The following MAFF variants were observed in gnomAD, a reference collection of about 807,000 sequenced individuals.
MAFF encodes the protein MAF bZIP transcription factor F.
A neutral mutation model predicts 2.7 loss-of-function variants in MAFF; 4 were observed. The ratio of observed to expected loss-of-function variants is 1.48; its 90% CI spans 0.73 to 3.39. The LOEUF is 3.39. MAFF is among the 30% of genes most tolerant of loss of function. The pLI is 0.01. For missense variants in MAFF, 190 were observed against 246.6 expected (o/e 0.77, Z 1.54); for synonymous variants, 113 against 119.4 (o/e 0.95, Z 0.35).
intron 1 of MAFF, among the ~76,000 whole-genome samples, chr22:38,204,430 G>A (rs1482565706): frequency 6.6e-6 from 1 of 152,154 alleles, no homozygotes; most frequent in Non-Finnish European, 1.5e-5. Context: ...TTGAAGGCAG[G>A]AGCTGTGATT....
intron 1 of MAFF, among the ~76,000 whole-genome samples, chr22:38,209,458 G>C (rs1344950328): frequency 6.6e-6 from 1 of 152,090 alleles, no homozygotes; most frequent in African/African-American, 2.4e-5. Context: ...GCTGAGACCA[G>C]CAGGGAGGTG....
intron 1 of MAFF, among the ~76,000 whole-genome samples, chr22:38,206,885 GCTCC>G (rs2091056017): frequency 6.6e-6 from 1 of 152,144 alleles, no homozygotes; most frequent in South Asian, 2.1e-4. Flanking sequence ...GCACGTGCCA[GCTCC>G]CCAAACGGCT....
intron 1 of MAFF, among the ~76,000 whole-genome samples, chr22:38,208,457 G>C (rs998705176): frequency 6.6e-6 from 1 of 152,180 alleles, no homozygotes; most frequent in African/African-American, 2.4e-5. Flanking sequence ...CCTAGCATCT[G>C]TACTGTCTCT....
At chr22:38,212,351 G>A (rs2091107597) in intron 1 of MAFF, among the ~76,000 whole-genome samples, 1 of 152,140 alleles carries the variant, frequency 6.6e-6, no homozygotes, top group African/African-American at 2.4e-5. Flanking sequence ...TCCCCTTGGA[G>A]ACAGATGAGA....
chr22:38,216,511 AT>A (rs36116754), downstream of MAFF: 48,173 of 166,652 alleles, frequency 0.29, 7,339 homozygotes, highest in South Asian at 0.38. Context: ...CAGAGAATAA[AT>A]GTGTATCCTG....
intron 1 of MAFF, among the ~76,000 whole-genome samples, chr22:38,211,523 C>A (rs1012426903): frequency 1.0e-5 from 1 of 99,404 alleles, no homozygotes; most frequent in Non-Finnish European, 2.1e-5. Context: ...CCGCGCCCGG[C>A]CACTGGGGAT....
chr22:38,214,392 C>T lies in MAFF; in HGVS notation c.37-28C>T. The T allele has an allele frequency of 6.4e-7, 1 of 1,559,622 alleles. No homozygotes were observed. The highest frequency in any genetic ancestry group is 8.7e-7 in the Non-Finnish European group (1 of 1,151,872). On this transcript the variant is annotated intron_variant, in intron 2 of 2. Coordinates refer to ENST00000338483, the MANE Select transcript of MAFF (RefSeq NM_012323.4). The surrounding 1 kb of genome is among the most constrained non-coding windows in gnomAD (Gnocchi z 6.3). Reference sequence around the variant, plus strand: ...AGCGGGGGGGCCCGTCCCCAGTCCCCTGGACCTCAGTTTCCTCATGCCCGC... The same window carrying T: ...AGCGGGGGGGCCCGTCCCCAGTCCCTTGGACCTCAGTTTCCTCATGCCCGC...
At chr22:38,208,935 T>G (rs2091074616) in intron 1 of MAFF, among the ~76,000 whole-genome samples, 1 of 146,700 alleles carries the variant, frequency 6.8e-6, no homozygotes, top group Non-Finnish European at 1.5e-5. Context: ...GAGCACAGAG[T>G]GGAGGTGGCA....
chr22:38,207,451 T>C, intron 1 of MAFF, among the ~76,000 whole-genome samples: 1 of 131,740 alleles, frequency 7.6e-6, no homozygotes, highest in Non-Finnish European at 1.6e-5. Context: ...TTTTTTTTTT[T>C]TTTTTTTGAG....
At chr22:38,212,556 G>C (rs77518924) in intron 1 of MAFF, among the ~76,000 whole-genome samples, 1 of 152,220 alleles carries the variant, frequency 6.6e-6, no homozygotes, top group Non-Finnish European at 1.5e-5. Flanking sequence ...GTTTGGCAAA[G>C]AGCTCAATAA....
intron 1 of MAFF, 124 bp from the exon 2 acceptor site, chr22:38,213,699 G>A: frequency 1.3e-6 from 1 of 748,132 alleles, no homozygotes; most frequent in Middle Eastern, 2.3e-4. Context: ...GAGAGAGGAA[G>A]GTGGCAGGTA....
chr22:38,214,375 G>A lies in MAFF; in HGVS notation c.37-45G>A, dbSNP rs767130167. 2.6e-6 allele frequency: 4 copies of A among 1,510,750 alleles called. No homozygotes were observed. The highest frequency in any genetic ancestry group is 4.7e-5 in the East Asian group (2 of 42,376). 93.6% of individuals were successfully genotyped at this position (1,510,750 alleles called of 1,614,324 possible). A position where few individuals can be genotyped will look rare whatever the true frequency, so the allele number is the denominator to read the frequency against. ...AGGAACACCGCGGGTGGAGCGGGGG[G>A]GCCCGTCCCCAGTCCCCTGGACCTC... On this transcript the variant is annotated intron_variant, in intron 2 of 2. Transcript: ENST00000338483. This position sits in a 1 kb window ranked among gnomAD's most constrained non-coding sequence, Gnocchi z 6.3.
chr22:38,211,449 TCTC>T (rs2091100733), intron 1 of MAFF, among the ~76,000 whole-genome samples: 1 of 151,946 alleles, frequency 6.6e-6, no homozygotes, highest in East Asian at 1.9e-4. Context: ...CTGGTCTCGA[TCTC>T]CTGACCTCAT....
rs1413622177 is a variant in MAFF at position 38,214,493 on chromosome 22, T to C, written c.110T>C (p.Leu37Pro). The change falls in exon 3 of 3, where the codon CTG becomes CCG. Residue 37 changes from leucine (L) to proline (P), a missense_variant. By Grantham distance (98) the Leu-to-Pro change is moderately conservative. Around this residue, in one of 2 missense-constraint regions of MAFF, gnomAD observed 87 missense variants for 143.6 expected, o/e 0.61. Coordinates refer to ENST00000338483, the MANE Select transcript of MAFF (RefSeq NM_012323.4). This position sits in a 1 kb window ranked among gnomAD's most constrained non-coding sequence, Gnocchi z 6.3. ...CTGATGGGGCTGTCGGTGCGCGAGCTGAACCGGCATCTGCGCGGGCTCTCC... is the reference window on the plus strand; with the variant it reads ...CTGATGGGGCTGTCGGTGCGCGAGCCGAACCGGCATCTGCGCGGGCTCTCC... ...EALMGLSVRE[L>P]NRHLRGLSAE... The C allele has an allele frequency of 6.2e-7, 1 of 1,610,246 alleles. No individual in the cohort carries two copies. Among genetic ancestry groups the C allele is most frequent in the Non-Finnish European group, 8.5e-7 (1 of 1,179,470 alleles).
rs1438558662 is a variant in MAFF, at chr22:38,208,122, C to T, written c.-31-5701C>T. Among the ~76,000 whole-genome samples the T allele has an allele frequency of 3.9e-5, 6 of 152,236 alleles. No individual in the cohort carries two copies. In the East Asian group the frequency reaches 9.7e-4, roughly 25 times the overall value. On this transcript the variant is annotated intron_variant, in intron 1 of 2. Coordinates refer to ENST00000338483, the MANE Select transcript of MAFF (RefSeq NM_012323.4). ...CCAGCTGGGAGATGCTAAATCAGAG[C>T]GAGACCCCAGTGCTGGCTACAGGCC... is the stretch of plus-strand genomic sequence containing the variant.
In MAFF at chr22:38,202,328, C is replaced by A. The variant is rs1296191848; in HGVS notation, c.-32+116C>A. On this transcript the variant is annotated intron_variant, in intron 1 of 2. Coordinates refer to ENST00000338483, the MANE Select transcript of MAFF (RefSeq NM_012323.4). The surrounding 1 kb of genome is among the most constrained non-coding windows in gnomAD (Gnocchi z 7.4). ...GCCCGATCCGTCGGGGCTCCCGGAGCTCCATCGCCCGGACGGCTCGGGGCG... is the reference window on the plus strand; with the variant it reads ...GCCCGATCCGTCGGGGCTCCCGGAGATCCATCGCCCGGACGGCTCGGGGCG... 1.3e-5 allele frequency: 2 copies of A among 152,142 alleles called. No homozygotes were observed. The highest frequency in any genetic ancestry group is 1.3e-4 in the Admixed American group (2 of 15,282). The allele number at this position is 152,142 out of a possible 1,614,324, so 9.4% of individuals were successfully genotyped here.
At chr22:38,207,949 G>A (rs1174681616) in intron 1 of MAFF, among the ~76,000 whole-genome samples, 1 of 152,098 alleles carries the variant, frequency 6.6e-6, no homozygotes, top group African/African-American at 2.4e-5. Flanking sequence ...TTCAGTCCTG[G>A]GCCTTTGCAG....
chr22:38,206,398 G>C (rs1361212009), intron 1 of MAFF, among the ~76,000 whole-genome samples: 1 of 149,648 alleles, frequency 6.7e-6, no homozygotes, highest in Non-Finnish European at 1.5e-5. Flanking sequence ...CTGGAGTCCA[G>C]TGGCTTGTTC....
intron 1 of MAFF, among the ~76,000 whole-genome samples, chr22:38,211,211 G>A (rs544817712): frequency 3.4e-4 from 50 of 149,176 alleles, no homozygotes; most frequent in Non-Finnish European, 6.3e-4. Context: ...GTTGGAGAAG[G>A]GATGCTGGGG....
Sources: allele counts gnomAD v4.1 joint callset (sites outside exome capture counted in the v4.1 genomes callset), GRCh38; gene constraint gnomAD v4.1.1; regional missense constraint gnomAD v4.1.1; non-coding constraint Gnocchi (gnomAD v3.1); transcripts MANE v1.5; gene names NCBI Gene and HGNC (gene_info 2026-07-23, HGNC 2026-07-21).